CCDC88C: variants seen among roughly 807,000 people sequenced by gnomAD.
The protein encoded by CCDC88C is protein Daple.
In CCDC88C, 131 loss-of-function variants were observed where a neutral mutation model predicts 198.8. The observed-to-expected ratio is 0.66, with a 90% confidence interval of 0.57 to 0.76. The LOEUF (loss-of-function observed/expected upper bound fraction) is 0.76. CCDC88C is among the 30% of genes least tolerant of loss of function. The pLI is 0.00. For synonymous variants in CCDC88C, 1,166 were observed against 1,114.7 expected, an observed-to-expected ratio of 1.05 and a Z score of -0.92; for missense variants, 2,553 against 2,631.6, an observed-to-expected ratio of 0.97 and a Z score of 0.65.
chr14:91,304,003 T>TGGCGC (rs746406125), intron 19 of CCDC88C, 25 bp from the exon 20 acceptor site: 1 of 1,589,902 alleles, frequency 6.3e-7, no homozygotes, highest in Non-Finnish European at 8.5e-7. Context: ...AAGCGCGGCG[T>TGGCGC]GGCGCAGGCC....
rs954561135 is a variant in CCDC88C at position 91,359,725 on chromosome 14, G to C, written c.271-14C>G. On this transcript the variant is annotated splice_polypyrimidine_tract_variant and intron_variant, in intron 3 of 29. Coordinates refer to ENST00000389857, the MANE Select transcript of CCDC88C (RefSeq NM_001080414.4). ...CTGGAGAACTTCCTGCAGAAACAAA[G>C]GGGGAAAAGATACCATTAAGAACCG... is the stretch of plus-strand genomic sequence containing the variant. 9.4e-6 allele frequency: 15 copies of C among 1,604,224 alleles called. No homozygotes were observed. The highest frequency in any genetic ancestry group is 1.7e-5 in the Admixed American group (1 of 58,844).
chr14:91,364,524 G>A (rs553791058), intron 3 of CCDC88C, among the ~76,000 whole-genome samples: 3 of 152,256 alleles, frequency 2.0e-5, no homozygotes, highest in South Asian at 2.1e-4. Flanking sequence ...GCTGAAAAGC[G>A]CTTTGTAATC....
intron 17 of CCDC88C, 115 bp downstream of exon 17, chr14:91,308,236 C>T: frequency 8.0e-7 from 1 of 1,243,932 alleles, no homozygotes; most frequent in Non-Finnish European, 1.1e-6. Flanking sequence ...GGCGCATCTA[C>T]CCCTGCCCTA....
chr14:91,305,391 G>GC (rs1027496367), intron 19 of CCDC88C, among the ~76,000 whole-genome samples: 17 of 152,124 alleles, frequency 1.1e-4, no homozygotes, highest in African/African-American at 4.1e-4. Flanking sequence ...AAAGAGTTCT[G>GC]CCAGGTTCTA....
chr14:91,354,589 C>T (rs760028472), intron 4 of CCDC88C, among the ~76,000 whole-genome samples: 1 of 152,206 alleles, frequency 6.6e-6, no homozygotes, highest in Non-Finnish European at 1.5e-5. Context: ...TCACTTGACC[C>T]TGACCACTGA....
At position 91,294,823 on chromosome 14, in the gene CCDC88C, A is replaced by G. The variant is rs1470064659; in HGVS notation, c.3967-505T>C. The stretch of plus-strand genomic sequence containing the variant: ...CAGGCGCGTGCCACCACGCCCAGCT[A>G]ATTTTTTGTGTTTTTAGTAGAGACG... On this transcript the variant is annotated intron_variant, in intron 22 of 29. Transcript: ENST00000389857. Among the ~76,000 whole-genome samples, 4 of 152,018 alleles carry G rather than the reference A, an allele frequency of 2.6e-5. No individual in the cohort carries two copies. In the East Asian group the frequency reaches 7.7e-4, roughly 29 times the overall value.
At chr14:91,388,302 G>A (rs986108494) in intron 3 of CCDC88C, among the ~76,000 whole-genome samples, 1 of 152,188 alleles carries the variant, frequency 6.6e-6, no homozygotes, top group Non-Finnish European at 1.5e-5. Flanking sequence ...AACTCACCAT[G>A]TGGCCTCAGC....
Position 91,278,013 on chromosome 14 carries a change from A to G in CCDC88C, c.4967T>C (p.Val1656Ala), listed in dbSNP as rs762136269. The G allele has an allele frequency of 6.3e-7, 1 of 1,593,318 alleles. No individual in the cohort carries two copies. Among genetic ancestry groups the G allele is most frequent in the Non-Finnish European group, 8.5e-7 (1 of 1,169,688 alleles). ...AQKRGTAPPY[V>A]GVRPCSASPS... ...GGAGGCCGAGCAGGGCCGCACTCCG[A>G]CGTAGGGAGGGGCTGTGCCCCTCTT... Residue 1656 changes from valine (V) to alanine (A), a missense_variant, in exon 29 of 30, where the codon GTC becomes GCC. By Grantham distance (64) the Val-to-Ala change is moderately conservative. This residue lies in a region of CCDC88C where 1,293 missense variants were observed against 1,219.6 expected (regional missense o/e 1.06). Transcript: ENST00000389857.
At chr14:91,344,265 T>A (rs890974494) in intron 4 of CCDC88C, among the ~76,000 whole-genome samples, 1 of 152,024 alleles carries the variant, frequency 6.6e-6, no homozygotes, top group Non-Finnish European at 1.5e-5. Context: ...AAGTACACAA[T>A]GGGAGAGAAC....
intron 3 of CCDC88C, among the ~76,000 whole-genome samples, chr14:91,374,945 T>C (rs1362578748): frequency 1.3e-5 from 2 of 152,154 alleles, no homozygotes; most frequent in African/African-American, 4.8e-5. Context: ...AATGAAGATG[T>C]GGTGACACTC....
intron 3 of CCDC88C, among the ~76,000 whole-genome samples, chr14:91,384,167 T>G (rs530159538): frequency 6.6e-6 from 1 of 152,230 alleles, no homozygotes; most frequent in African/African-American, 2.4e-5. Context: ...CTAGGCGTGG[T>G]GGCTCACATC....
intron 2 of CCDC88C, among the ~76,000 whole-genome samples, chr14:91,413,885 G>A (rs897176589): frequency 4.6e-5 from 7 of 152,204 alleles, no homozygotes; most frequent in African/African-American, 1.7e-4. Flanking sequence ...ACAAACTTGG[G>A]GTGAAGGAAT....
At chr14:91,294,591 T>C (rs1890917027) in intron 22 of CCDC88C, among the ~76,000 whole-genome samples, 1 of 152,210 alleles carries the variant, frequency 6.6e-6, no homozygotes, top group Non-Finnish European at 1.5e-5. Flanking sequence ...AAGTGCAAAA[T>C]ACGCAGCAGA....
At chr14:91,282,409 G>T (rs1890236266) in intron 26 of CCDC88C, among the ~76,000 whole-genome samples, 1 of 152,112 alleles carries the variant, frequency 6.6e-6, no homozygotes, top group Admixed American at 6.5e-5. Flanking sequence ...TAAATTATAA[G>T]GGGAATGCCC....
chr14:91,375,707 C>T lies in CCDC88C; in HGVS notation c.271-15996G>A, dbSNP rs372264361. On this transcript the variant is annotated intron_variant, in intron 3 of 29. Coordinates refer to ENST00000389857, the MANE Select transcript of CCDC88C (RefSeq NM_001080414.4). ...ATGGCAGTCTGTGCCAGCCCTGCCT[C>T]GGCAGCAAGTGGACTCTTCCAGCCC... Among the ~76,000 whole-genome samples the T allele has an allele frequency of 4.5e-3, 682 of 152,308 alleles. 3 individuals are homozygous for T. Among genetic ancestry groups the T allele is most frequent in the African/African-American group, 0.014 (598 of 41,576 alleles).
intron 4 of CCDC88C, among the ~76,000 whole-genome samples, chr14:91,354,967 G>A (rs149649166): frequency 5.4e-4 from 83 of 152,342 alleles, no homozygotes; most frequent in African/African-American, 1.9e-3. Flanking sequence ...GACAGGTGGG[G>A]CCACACTGAA....
At position 91,273,313 on chromosome 14, in the gene CCDC88C, G is replaced by T; in HGVS notation, c.5399C>A (p.Ser1800Tyr). The change falls in exon 30 of 30, where the codon TCC (serine) becomes TAC (tyrosine). Residue 1800 changes from serine (S) to tyrosine (Y), a missense_variant. Transcript: ENST00000389857. The surrounding 1 kb of genome is among the most constrained non-coding windows in gnomAD (Gnocchi z 5.6). ...GGCCAGGCTGAAGGCCCGGCTCAAG[G>T]AGGCACTGCGGCTGGCAGGTGCATG... ...ASHAPASRSA[S>Y]LSRAFSLASA... The T allele has an allele frequency of 6.4e-7, 1 of 1,556,668 alleles. No homozygotes were observed. Among genetic ancestry groups the T allele is most frequent in the Non-Finnish European group, 8.7e-7 (1 of 1,148,962 alleles).
At chr14:91,290,938 A>G (rs1890635042) in intron 24 of CCDC88C, 57 bp downstream of exon 24, 3 of 1,072,630 alleles carry the variant, frequency 2.8e-6, no homozygotes, top group African/African-American at 3.1e-5. Context: ...CACCCTGTGC[A>G]CAGAAAAGGA....
intron 29 of CCDC88C, among the ~76,000 whole-genome samples, chr14:91,275,570 C>T (rs1364025454): frequency 7.9e-5 from 12 of 151,468 alleles, no homozygotes; most frequent in African/African-American, 1.9e-4. Context: ...CTGAGCCTCT[C>T]GGGTTCAAGA....
Sources: gnomAD v4.1 joint callset for allele counts (sites outside exome capture counted in the v4.1 genomes callset) on GRCh38, gnomAD v4.1.1 for gene constraint, gnomAD v4.1.1 regional missense constraint, Gnocchi (gnomAD v3.1) non-coding constraint, MANE v1.5 for transcripts, NCBI Gene and HGNC (gene_info 2026-07-23, HGNC 2026-07-21) for gene names.